EPHA5: variants seen among roughly 807,000 people sequenced by gnomAD.
EPHA5 encodes EPH receptor A5.
In EPHA5, 60 loss-of-function variants were observed where a neutral mutation model predicts 105.0. The ratio of observed to expected loss-of-function variants is 0.57; its 90% CI spans 0.46 to 0.71. The LOEUF (loss-of-function observed/expected upper bound fraction) is 0.71. Among genes scored for constraint, EPHA5 ranks in the 30% least tolerant of loss-of-function variants. The probability of loss-of-function intolerance (pLI) is 0.00; values close to 1 mark genes in which losing one functional copy is unlikely to be tolerated. For synonymous variants in EPHA5, 513 were observed against 449.1 expected (o/e 1.14, Z -1.80); for missense variants, 1,218 against 1,274.7 (o/e 0.96, Z 0.68).
At chr4:65,663,613 T>C (rs1295756573) in intron 1 of EPHA5, among the ~76,000 whole-genome samples, 1 of 152,080 alleles carries the variant, frequency 6.6e-6, no homozygotes, top group Non-Finnish European at 1.5e-5. Context: ...TTGTTTAAGA[T>C]GGTAATGAAA....
At chr4:65,491,763 ATATATT>A (rs1731423475) in intron 4 of EPHA5, among the ~76,000 whole-genome samples, 1 of 152,066 alleles carries the variant, frequency 6.6e-6, no homozygotes, top group South Asian at 2.1e-4. Context: ...TATGAATTTC[ATATATT>A]AAGGGTAACC....
At chr4:65,407,399 T>G (rs1722466493) in intron 7 of EPHA5, among the ~76,000 whole-genome samples, 2 of 152,116 alleles carry the variant, frequency 1.3e-5, no homozygotes, top group Admixed American at 1.3e-4. Flanking sequence ...AAATTCTTCA[T>G]TTTTAGTAAT....
At chr4:65,498,494 T>C (rs760973534) in intron 3 of EPHA5, among the ~76,000 whole-genome samples, 4 of 151,824 alleles carry the variant, frequency 2.6e-5, no homozygotes, top group Non-Finnish European at 5.9e-5. Context: ...GGCAAATAGC[T>C]CTTTTGTTTC....
At chr4:65,341,898 T>G (rs542549197) in intron 14 of EPHA5, among the ~76,000 whole-genome samples, 8 of 152,142 alleles carry the variant, frequency 5.3e-5, no homozygotes, top group African/African-American at 1.9e-4. Context: ...AATATATTTC[T>G]GGAAGCAAAC....
At chr4:65,641,879 T>C (rs1175183568) in intron 2 of EPHA5, among the ~76,000 whole-genome samples, 2 of 152,030 alleles carry the variant, frequency 1.3e-5, no homozygotes. Context: ...TAGAATAATT[T>C]AAAAAATCCC....
intron 3 of EPHA5, among the ~76,000 whole-genome samples, chr4:65,575,604 T>G (rs1348857071): frequency 7.2e-5 from 11 of 152,112 alleles, no homozygotes; most frequent in African/African-American, 2.7e-4. Context: ...AAATAAGATT[T>G]GTTAAAAGGC....
chr4:65,534,348 G>T (rs918640629), intron 3 of EPHA5, among the ~76,000 whole-genome samples: 2 of 152,014 alleles, frequency 1.3e-5, no homozygotes, highest in African/African-American at 4.8e-5. Context: ...GAAATATTTT[G>T]TTTACACAAA....
In EPHA5 at chr4:65,602,265, TA is replaced by T; in HGVS notation, c.285del (p.Ile96SerfsTer9). ...ACTTTGCATACTTGGTATGTGTGGATAGGGGCATAATTTTCATCCACTTCAC... is the reference window on the plus strand; with the variant it reads ...ACTTTGCATACTTGGTATGTGTGGATGGGGCATAATTTTCATCCACTTCAC... The part of the protein sequence containing the change: ...EIGEVDENYA[P>X]IHTYQVCKVM... On this transcript the variant is annotated frameshift_variant, in exon 3 of 17. Coordinates refer to ENST00000613740, the MANE Select transcript of EPHA5 (RefSeq NM_001281766.3). LOFTEE classifies it high-confidence loss of function. 3.1e-6 allele frequency: 5 copies of T among 1,607,696 alleles called. No homozygotes were observed. Among genetic ancestry groups the T allele is most frequent in the Non-Finnish European group, 4.2e-6 (5 of 1,178,402 alleles).
At chr4:65,337,176 G>T (rs1220324978) in intron 14 of EPHA5, among the ~76,000 whole-genome samples, 4 of 151,894 alleles carry the variant, frequency 2.6e-5, no homozygotes, top group Non-Finnish European at 4.4e-5. Context: ...TCAAATCAGG[G>T]CAATGAGCAT....
intron 1 of EPHA5, among the ~76,000 whole-genome samples, chr4:65,649,530 C>T (rs1325166517): frequency 6.6e-6 from 1 of 152,162 alleles, no homozygotes; most frequent in African/African-American, 2.4e-5. Context: ...AAAGTATTTT[C>T]TAAAAATTTT....
At chr4:65,372,265 T>C (rs2148907839) in intron 8 of EPHA5, among the ~76,000 whole-genome samples, 2 of 152,060 alleles carry the variant, frequency 1.3e-5, no homozygotes, top group Non-Finnish European at 2.9e-5. Flanking sequence ...TAGACAAAGA[T>C]AGGATTAACA....
intron 3 of EPHA5, chr4:65,574,206 G>C (rs999120804): frequency 6.2e-7 from 1 of 1,603,992 alleles, no homozygotes; most frequent in African/African-American, 1.3e-5. Flanking sequence ...GCGCAAGATT[G>C]ATCAGAAAGC....
intron 6 of EPHA5, among the ~76,000 whole-genome samples, chr4:65,416,921 T>C (rs1169249616): frequency 1.3e-5 from 2 of 152,240 alleles, no homozygotes; most frequent in African/African-American, 2.4e-5. Context: ...TCACAAACTT[T>C]ATGTAAAGAT....
At chr4:65,621,129 A>G (rs1201698694) in intron 2 of EPHA5, among the ~76,000 whole-genome samples, 4 of 152,194 alleles carry the variant, frequency 2.6e-5, no homozygotes. Flanking sequence ...CTTAATAAGG[A>G]TAAAACCTAG....
chr4:65,505,234 T>C (rs973344942), intron 3 of EPHA5, among the ~76,000 whole-genome samples: 2 of 152,058 alleles, frequency 1.3e-5, no homozygotes, highest in African/African-American at 4.8e-5. Context: ...CATTATGCCT[T>C]CTCTACTCTT....
At chr4:65,489,566 T>C (rs1036892299) in intron 5 of EPHA5, among the ~76,000 whole-genome samples, 2 of 152,160 alleles carry the variant, frequency 1.3e-5, no homozygotes, top group Non-Finnish European at 2.9e-5. Flanking sequence ...TACCTGTTGG[T>C]GGACAAAACA....
chr4:65,468,592 TAA>T (rs1344119097), intron 5 of EPHA5, among the ~76,000 whole-genome samples: 48 of 23,624 alleles, frequency 2.0e-3, no homozygotes, highest in African/African-American at 5.4e-3. Flanking sequence ...AAAATATATA[TAA>T]TATATATATT....
At chr4:65,402,233 A>G (rs1183735131) in intron 8 of EPHA5, among the ~76,000 whole-genome samples, 2 of 152,054 alleles carry the variant, frequency 1.3e-5, no homozygotes, top group African/African-American at 4.8e-5. Context: ...TCCATGTGGA[A>G]CTATGACTCA....
chr4:65,628,506 T>A (rs981037180), intron 2 of EPHA5, among the ~76,000 whole-genome samples: 1 of 152,114 alleles, frequency 6.6e-6, no homozygotes. Flanking sequence ...AGCCTTGAGA[T>A]TATATATGTT....
Sources: allele counts gnomAD v4.1 joint callset (sites outside exome capture counted in the v4.1 genomes callset), GRCh38; gene constraint gnomAD v4.1.1; transcripts MANE v1.5; gene names NCBI Gene and HGNC (gene_info 2026-07-23, HGNC 2026-07-21).